The following RAD54B variants were observed in gnomAD, a reference collection of about 807,000 sequenced individuals.
RAD54B encodes the protein DNA repair and recombination protein RAD54B.
A neutral mutation model predicts 95.8 loss-of-function variants in RAD54B; 78 were observed. The ratio of observed to expected loss-of-function variants is 0.81; its 90% CI spans 0.68 to 0.98. The LOEUF is 0.98. RAD54B is among the 50% of genes least tolerant of loss of function. The pLI is 0.00. For synonymous variants in RAD54B, 328 were observed against 354.9 expected, an observed-to-expected ratio of 0.92 and a Z score of 0.85; for missense variants, 957 against 1,056.6, an observed-to-expected ratio of 0.91 and a Z score of 1.31.
intron 11 of RAD54B, among the ~76,000 whole-genome samples, chr8:94,383,232 C>T (rs1024889900): frequency 2.2e-5 from 3 of 137,054 alleles, no homozygotes; most frequent in Non-Finnish European, 3.0e-5. Context: ...TTGGAGTGAG[C>T]TGAGATCACG....
chr8:94,430,665 A>G (rs1194259584), intron 3 of RAD54B: 2 of 746,678 alleles, frequency 2.7e-6, no homozygotes, highest in Admixed American at 1.3e-4. Context: ...GTGGAAGCCC[A>G]ATGGCTCAGT....
chr8:94,443,455 C>CTGCATAT (rs1563659664), intron 3 of RAD54B, among the ~76,000 whole-genome samples: 2 of 151,732 alleles, frequency 1.3e-5, no homozygotes, highest in South Asian at 2.1e-4. Flanking sequence ...GCATATGTAC[C>CTGCATAT]CCTGAACTTG....
At chr8:94,424,720 T>C (rs1447491648) in intron 3 of RAD54B, among the ~76,000 whole-genome samples, 4 of 152,080 alleles carry the variant, frequency 2.6e-5, no homozygotes, top group African/African-American at 9.7e-5. Context: ...GCCAAATCAA[T>C]ACCAAAAAGT....
intron 3 of RAD54B, among the ~76,000 whole-genome samples, chr8:94,423,288 CAGG>C (rs1469046069): frequency 6.6e-6 from 1 of 152,082 alleles, no homozygotes; most frequent in African/African-American, 2.4e-5. Flanking sequence ...GAAGCTGAGG[CAGG>C]AGAATTGCTT....
At chr8:94,405,943 C>T (rs1308136579) in intron 5 of RAD54B, among the ~76,000 whole-genome samples, 1 of 151,582 alleles carries the variant, frequency 6.6e-6, no homozygotes, top group Non-Finnish European at 1.5e-5. Flanking sequence ...CTAATTCTAT[C>T]CTTGGCTAAG....
chr8:94,430,528 G>A (rs1355558870), intron 3 of RAD54B: 1 of 840,478 alleles, frequency 1.2e-6, no homozygotes, highest in Non-Finnish European at 1.4e-6. Flanking sequence ...AGAGATTGCT[G>A]ACACCCCCAG....
intron 3 of RAD54B, among the ~76,000 whole-genome samples, chr8:94,452,684 A>C (rs1812688677): frequency 6.6e-6 from 1 of 151,866 alleles, no homozygotes; most frequent in African/African-American, 2.4e-5. Context: ...TTTTTAGTAG[A>C]TATGGGGTTT....
intron 10 of RAD54B, among the ~76,000 whole-genome samples, chr8:94,391,372 T>C (rs112337572): frequency 7.3e-5 from 11 of 150,932 alleles, no homozygotes; most frequent in African/African-American, 2.2e-4. Flanking sequence ...GCACAAACTA[T>C]AGAAGGCAGT....
chr8:94,460,018 C>T (rs948246369), intron 2 of RAD54B, among the ~76,000 whole-genome samples: 1 of 151,064 alleles, frequency 6.6e-6, no homozygotes, highest in Non-Finnish European at 1.5e-5. Context: ...ATAAGCTGGG[C>T]GTGGTGGCGG....
intron 3 of RAD54B, among the ~76,000 whole-genome samples, chr8:94,447,630 G>A (rs1413316474): frequency 1.3e-5 from 2 of 152,290 alleles, no homozygotes; most frequent in East Asian, 3.9e-4. Flanking sequence ...TCCTCTTCAC[G>A]ATGGCAAACT....
chr8:94,416,024 C>T (rs1270963938), intron 3 of RAD54B, among the ~76,000 whole-genome samples: 1 of 148,310 alleles, frequency 6.7e-6, no homozygotes, highest in African/African-American at 2.5e-5. Context: ...GGGTATATAC[C>T]CAAAGGACTA....
rs765873129 is a variant in RAD54B at position 94,411,245 on chromosome 8, A to C, written c.375T>G (p.Tyr125Ter). 1.9e-6 allele frequency: 3 copies of C among 1,611,480 alleles called. No individual in the cohort carries two copies. The African/African-American group carries it at 4.0e-5, about 22-fold the overall frequency. The change falls in exon 4 of 15, where the codon TAT becomes TAG. Residue 125 changes from tyrosine to a stop codon, truncating the protein, a stop_gained. Transcript: ENST00000336148. LOFTEE classifies it high-confidence loss of function. ...QEEKSDSLVK[Y>*]FSVVWCKPSK... ...AAGGCTTACACCAAACAACACTGAA[A>C]TATTTAACTAGGCTATCAGATTTCT...
chr8:94,432,578 T>C (rs1336931544), intron 3 of RAD54B: 1 of 1,550,304 alleles, frequency 6.5e-7, no homozygotes, highest in East Asian at 2.4e-5. Context: ...TCACCTCCAC[T>C]GTAATAGCAA....
chr8:94,434,805 C>A (rs1223281063), intron 3 of RAD54B, among the ~76,000 whole-genome samples: 2 of 151,474 alleles, frequency 1.3e-5, no homozygotes, highest in Non-Finnish European at 1.5e-5. Context: ...TAAAACCTAA[C>A]AAATTGGTAT....
chr8:94,447,281 T>G (rs911613673), intron 3 of RAD54B, among the ~76,000 whole-genome samples: 2 of 152,216 alleles, frequency 1.3e-5, no homozygotes, highest in Non-Finnish European at 2.9e-5. Context: ...AGCTGTCTAT[T>G]AAGGATCTCT....
intron 7 of RAD54B, 100 bp from the exon 8 acceptor site, chr8:94,399,721 T>C (rs371183356): frequency 5.6e-5 from 78 of 1,402,102 alleles, no homozygotes; most frequent in Non-Finnish European, 7.2e-5. Flanking sequence ...AGAACTGGAA[T>C]GTGTTAACTC....
intron 3 of RAD54B, chr8:94,432,174 G>T (rs763490414): frequency 1.9e-6 from 3 of 1,549,742 alleles, no homozygotes; most frequent in Non-Finnish European, 2.6e-6. Context: ...TAAGCGAATT[G>T]CTTTCAGCTT....
At position 94,449,994 on chromosome 8, in the gene RAD54B, C is replaced by T. The variant is rs536947985; in HGVS notation, c.304+8274G>A. Reference sequence around the variant, plus strand: ...GTTTCCCCTTCTTCAGCAGACTGGACTACTGACTGTGTGGATCAGAAACAA... The same window carrying T: ...GTTTCCCCTTCTTCAGCAGACTGGATTACTGACTGTGTGGATCAGAAACAA... On this transcript the variant is annotated intron_variant, in intron 3 of 14. Coordinates refer to ENST00000336148, the MANE Select transcript of RAD54B (RefSeq NM_012415.3). Among the ~76,000 whole-genome samples, 16 of 152,340 alleles carry T rather than the reference C, an allele frequency of 1.1e-4. No individual in the cohort carries two copies. In the South Asian group the frequency reaches 3.3e-3, roughly 32 times the overall value.
At chr8:94,448,512 C>T (rs1812573743) in intron 3 of RAD54B, among the ~76,000 whole-genome samples, 2 of 152,112 alleles carry the variant, frequency 1.3e-5, no homozygotes, top group Non-Finnish European at 2.9e-5. Flanking sequence ...TCTGCACTCC[C>T]ATGTTCGCTG....
Sources: allele counts gnomAD v4.1 joint callset (sites outside exome capture counted in the v4.1 genomes callset), GRCh38; gene constraint gnomAD v4.1.1; transcripts MANE v1.5; gene names NCBI Gene and HGNC (gene_info 2026-07-23, HGNC 2026-07-21).